PRKD3: variants seen among roughly 807,000 people sequenced by gnomAD.
PRKD3 encodes protein kinase D3, also known as serine/threonine-protein kinase D3.
PRKD3 carries 47 observed loss-of-function variants against 99.2 expected under a neutral mutation model. That is an observed-to-expected ratio of 0.47 (90% CI 0.38 to 0.60). The LOEUF (loss-of-function observed/expected upper bound fraction) is 0.60. Ranked by LOEUF, PRKD3 falls within the 20% of genes least tolerant of loss-of-function variation. The pLI is 0.00. For synonymous variants in PRKD3, 392 were observed against 355.4 expected, an observed-to-expected ratio of 1.10 and a Z score of -1.16; for missense variants, 1,019 against 1,088.4, an observed-to-expected ratio of 0.94 and a Z score of 0.90.
chr2:37,281,409 T>G (rs541501719), intron 7 of PRKD3, among the ~76,000 whole-genome samples: 1 of 152,200 alleles, frequency 6.6e-6, no homozygotes, highest in East Asian at 1.9e-4. Flanking sequence ...GTATGAATGT[T>G]TGTTCCCCTT....
At chr2:37,307,074 G>A (rs959628944) in intron 2 of PRKD3, among the ~76,000 whole-genome samples, 4 of 152,146 alleles carry the variant, frequency 2.6e-5, no homozygotes, top group African/African-American at 9.7e-5. Context: ...GGGCATCATA[G>A]CAACTTCCTT....
intron 14 of PRKD3, among the ~76,000 whole-genome samples, chr2:37,264,663 C>T (rs1668710946): frequency 6.6e-6 from 1 of 151,862 alleles, no homozygotes; most frequent in Non-Finnish European, 1.5e-5. Flanking sequence ...GAGGAAACAG[C>T]TAATGCAAAG....
At chr2:37,320,803 C>T (rs1671856049) in intron 1 of PRKD3, among the ~76,000 whole-genome samples, 1 of 152,056 alleles carries the variant, frequency 6.6e-6, no homozygotes, top group African/African-American at 2.4e-5. Context: ...GTAATATTAG[C>T]CAAATAACAG....
At chr2:37,322,969 G>T (rs1671948345) in intron 1 of PRKD3, among the ~76,000 whole-genome samples, 1 of 70,550 alleles carries the variant, frequency 1.4e-5, no homozygotes, top group Non-Finnish European at 2.6e-5. Flanking sequence ...CAACTTTAGA[G>T]TCTTTTAAAA....
intron 7 of PRKD3, chr2:37,282,303 G>T: frequency 2.1e-6 from 1 of 469,814 alleles, no homozygotes; most frequent in Non-Finnish European, 3.8e-6. Flanking sequence ...AGAGGATATG[G>T]AGTACCACTG....
intron 2 of PRKD3, among the ~76,000 whole-genome samples, chr2:37,312,964 A>T (rs1023414011): frequency 1.3e-5 from 2 of 152,222 alleles, no homozygotes; most frequent in Non-Finnish European, 2.9e-5. Context: ...ACAATAATTG[A>T]CTGCATGTAG....
intron 6 of PRKD3, among the ~76,000 whole-genome samples, chr2:37,283,418 T>C (rs1669945747): frequency 1.3e-5 from 2 of 152,214 alleles, no homozygotes; most frequent in Non-Finnish European, 2.9e-5. Flanking sequence ...CTTTAAGTCC[T>C]GACTTAGAAT....
chr2:37,310,687 G>A (rs1671386119), intron 2 of PRKD3, among the ~76,000 whole-genome samples: 1 of 152,158 alleles, frequency 6.6e-6, no homozygotes, highest in South Asian at 2.1e-4. Flanking sequence ...TGGATAGGAT[G>A]CCAACATCCA....
chr2:37,322,541 T>G (rs1218450610), intron 1 of PRKD3, among the ~76,000 whole-genome samples: 1 of 152,236 alleles, frequency 6.6e-6, no homozygotes, highest in East Asian at 1.9e-4. Context: ...ACTGCCAGTC[T>G]GGCAATGCAA....
rs1229465938 is a variant in PRKD3, at chr2:37,293,168, A to G, written c.392T>C (p.Ile131Thr). The G allele has an allele frequency of 6.2e-7, 1 of 1,601,098 alleles. No individual in the cohort carries two copies. Among genetic ancestry groups the G allele is most frequent in the East Asian group, 2.2e-5 (1 of 44,580 alleles). The change falls in exon 3 of 19, where the codon ATA becomes ACA. Residue 131 changes from isoleucine to threonine, a missense_variant. This residue lies in a region of PRKD3 where 710 missense variants were observed against 692.7 expected (regional missense o/e 1.02). Transcript: ENST00000234179. ...ILQLITSADE[I>T]HEGDLVEVVL... ...CACTTCCACTAGGTCTCCTTCATGT[A>G]TTTCATCTGCTGAGGTAATCAGCTG...
intron 10 of PRKD3, 65 bp from the exon 11 acceptor site, chr2:37,274,762 A>G (rs1669475928): frequency 2.8e-6 from 4 of 1,433,046 alleles, no homozygotes; most frequent in Middle Eastern, 1.9e-4. Flanking sequence ...TAAATACACT[A>G]AAGAACCAGA....
At chr2:37,255,568 G>T (rs890615489) in intron 17 of PRKD3, among the ~76,000 whole-genome samples, 1 of 152,162 alleles carries the variant, frequency 6.6e-6, no homozygotes, top group Non-Finnish European at 1.5e-5. Context: ...AGGTCCACAG[G>T]AGAGAGGAAA....
chr2:37,274,814 T>G, intron 10 of PRKD3, 117 bp from the exon 11 acceptor site: 1 of 1,011,038 alleles, frequency 9.9e-7, no homozygotes, highest in Non-Finnish European at 1.4e-6. Flanking sequence ...GACACAAGTA[T>G]GCAACATTTA....
intron 2 of PRKD3, among the ~76,000 whole-genome samples, chr2:37,309,715 G>A (rs1214777137): frequency 6.6e-6 from 1 of 152,066 alleles, no homozygotes; most frequent in African/African-American, 2.4e-5. Context: ...GGGTGTGGTG[G>A]TGCGTGCCTA....
At position 37,251,986 on chromosome 2, in the gene PRKD3, A is replaced by G. The variant is rs1667540145; in HGVS notation, c.*1191T>C. The G allele has an allele frequency of 6.6e-6, 1 of 152,190 alleles. No homozygotes were observed. The highest frequency in any genetic ancestry group is 1.9e-4 in the East Asian group (1 of 5,206). 9.4% of individuals were successfully genotyped at this position (152,190 alleles called of 1,614,324 possible). ...TAAACTTTGGGGAAGATATTTAAAA[A>G]TATTTTTTAAATAGCTGGCTGCTGG... On this transcript the variant is annotated 3_prime_UTR_variant, in exon 19 of 19. Transcript: ENST00000234179.
intron 2 of PRKD3, among the ~76,000 whole-genome samples, chr2:37,300,316 T>TAA (rs948023588): frequency 6.7e-6 from 1 of 149,832 alleles, no homozygotes; most frequent in Non-Finnish European, 1.5e-5. Flanking sequence ...GTGAAAAATT[T>TAA]AAAAAAAAAA....
chr2:37,316,674 T>TA lies in PRKD3; in HGVS notation c.-151dup. 7.0e-7 allele frequency: 1 copy of TA among 1,438,242 alleles called. No homozygotes were observed. Among genetic ancestry groups the TA allele is most frequent in the South Asian group, 1.5e-5 (1 of 65,590 alleles). 89.1% of individuals were successfully genotyped at this position (1,438,242 alleles called of 1,614,324 possible). A position where few individuals can be genotyped will look rare whatever the true frequency, so the allele number is the denominator to read the frequency against. On this transcript the variant is annotated 5_prime_UTR_variant, in exon 2 of 19. Transcript: ENST00000234179. ...TCCTCTGTTAAGCCACTCATGCCGA[T>TA]ACTTTTAAGTTTTATCAAGGAGTTG...
intron 14 of PRKD3, among the ~76,000 whole-genome samples, chr2:37,265,811 A>T (rs1185634094): frequency 6.6e-6 from 1 of 152,216 alleles, no homozygotes; most frequent in African/African-American, 2.4e-5. Context: ...AACCAAAATG[A>T]TATAATAATG....
At position 37,279,833 on chromosome 2, in the gene PRKD3, T is replaced by A. The variant is rs773464935; in HGVS notation, c.1085A>T (p.Glu362Val). ...CATCTTATCTTCTGGGGGTGATGGC[T>A]CTTCTGTGTCATCCAAACCCCGACT... The part of the protein sequence containing the change: ...DSSRGLDDTE[E>V]PSPPEDKMFF... Residue 362 changes from glutamate (E) to valine (V), a missense_variant, in exon 8 of 19, where the codon GAG becomes GTG. By Grantham distance (121) the Glu-to-Val change is moderately radical (BLOSUM62 -2). Around this residue, in one of 3 missense-constraint regions of PRKD3, gnomAD observed 710 missense variants for 692.7 expected, o/e 1.02. Transcript: ENST00000234179. 1.5e-5 allele frequency: 24 copies of A among 1,613,702 alleles called. No individual in the cohort carries two copies. The highest frequency in any genetic ancestry group is 1.8e-5 in the Non-Finnish European group (21 of 1,179,694).
Sources: allele counts gnomAD v4.1 joint callset (sites outside exome capture counted in the v4.1 genomes callset), GRCh38; gene constraint gnomAD v4.1.1; regional missense constraint gnomAD v4.1.1; transcripts MANE v1.5; gene names NCBI Gene and HGNC (gene_info 2026-07-23, HGNC 2026-07-21).